The following PRDM11 variants were observed in gnomAD, a reference collection of about 807,000 sequenced individuals.
PRDM11 encodes the protein PR/SET domain 11.
A neutral mutation model predicts 97.8 loss-of-function variants in PRDM11; 20 were observed. The observed-to-expected ratio is 0.20, with a 90% CI of 0.14 to 0.30. The LOEUF (loss-of-function observed/expected upper bound fraction) is 0.30. PRDM11 is among the 10% of genes least tolerant of loss of function. The pLI, the probability that PRDM11 is intolerant of heterozygous loss-of-function variation, is 1.00. For synonymous variants in PRDM11, 599 were observed against 637.7 expected, an observed-to-expected ratio of 0.94 and a Z score of 0.91; for missense variants, 1,139 against 1,555.2, an observed-to-expected ratio of 0.73 and a Z score of 4.50.
chr11:45,228,508 C>G lies in PRDM11; in HGVS notation c.*349C>G, dbSNP rs959071395. 1 of 152,120 alleles carries G rather than the reference C, an allele frequency of 6.6e-6. No individual in the cohort carries two copies. The highest frequency in any genetic ancestry group is 1.5e-5 in the Non-Finnish European group (1 of 68,060). 9.4% of individuals were successfully genotyped at this position (152,120 alleles called of 1,614,324 possible). On this transcript the variant is annotated 3_prime_UTR_variant, in exon 8 of 8. Coordinates refer to ENST00000683152, the MANE Select transcript of PRDM11 (RefSeq NM_001384648.1). ...ATAAGCTAAAATGACAGGTCTCTGT[C>G]ATCACCTTTAGGTAGCTCATTTTGT... is the stretch of plus-strand genomic sequence containing the variant.
At chr11:45,148,013 G>T (rs1851565347) in intron 1 of PRDM11, among the ~76,000 whole-genome samples, 1 of 152,128 alleles carries the variant, frequency 6.6e-6, no homozygotes, top group Non-Finnish European at 1.5e-5. Context: ...GCTGGTCCTT[G>T]CCCACATTTC....
At chr11:45,101,240 C>T (rs898592745) in intron 1 of PRDM11, among the ~76,000 whole-genome samples, 19 of 152,138 alleles carry the variant, frequency 1.2e-4, no homozygotes, top group Admixed American at 1.1e-3. Flanking sequence ...AGTCCTCAGA[C>T]CTGGGAGGTC....
intron 1 of PRDM11, among the ~76,000 whole-genome samples, chr11:45,147,083 G>A (rs1450984791): frequency 6.7e-6 from 1 of 149,346 alleles, no homozygotes; most frequent in East Asian, 2.0e-4. Context: ...TGGCCGCGAG[G>A]TGGGTGAACC....
At chr11:45,113,024 C>A (rs1852218491) in intron 1 of PRDM11, among the ~76,000 whole-genome samples, 1 of 152,052 alleles carries the variant, frequency 6.6e-6, no homozygotes, top group Non-Finnish European at 1.5e-5. Context: ...GAATTCTTTG[C>A]CTAAGCCAAT....
rs1418890648 is a variant in PRDM11, at chr11:45,219,260, A to C, written c.555-310A>C. ...CCTTTCAGTTTTTCAATCACTTATA[A>C]TATTTAGTTGATATATTTTCCATAT... On this transcript the variant is annotated intron_variant, in intron 5 of 7. Transcript: ENST00000683152. This position sits in a 1 kb window ranked among gnomAD's most constrained non-coding sequence, Gnocchi z 4.2. 6.6e-6 allele frequency among the ~76,000 whole-genome samples: 1 copy of C among 152,150 alleles called. No homozygotes were observed. Among genetic ancestry groups the C allele is most frequent in the Non-Finnish European group, 1.5e-5 (1 of 68,032 alleles).
At chr11:45,139,931 T>C (rs1258107537) in intron 1 of PRDM11, among the ~76,000 whole-genome samples, 1 of 152,174 alleles carries the variant, frequency 6.6e-6, no homozygotes, top group Admixed American at 6.5e-5. Flanking sequence ...TTATTTGGAA[T>C]CATTAAGCCC....
intron 1 of PRDM11, among the ~76,000 whole-genome samples, chr11:45,148,151 G>A (rs1851569665): frequency 6.6e-6 from 1 of 152,120 alleles, no homozygotes; most frequent in Non-Finnish European, 1.5e-5. Context: ...AGTTCTATAG[G>A]GCACGTGTAG....
intron 4 of PRDM11, among the ~76,000 whole-genome samples, chr11:45,189,002 A>T (rs1003786871): frequency 6.6e-6 from 1 of 152,166 alleles, no homozygotes; most frequent in Non-Finnish European, 1.5e-5. Context: ...CCTGGGTTCA[A>T]GCAATTCTCC....
At chr11:45,203,597 G>A (rs1263829568) in intron 4 of PRDM11, among the ~76,000 whole-genome samples, 1 of 151,074 alleles carries the variant, frequency 6.6e-6, no homozygotes, top group Non-Finnish European at 1.5e-5. Context: ...TAAAAGACAT[G>A]AAGGATATAT....
At chr11:45,135,474 AT>A (rs1031177958) in intron 1 of PRDM11, among the ~76,000 whole-genome samples, 1 of 152,260 alleles carries the variant, frequency 6.6e-6, no homozygotes, top group African/African-American at 2.4e-5. Flanking sequence ...CAGAATATAC[AT>A]TTATAAAAAT....
chr11:45,212,798 A>G lies in PRDM11; in HGVS notation c.555-6772A>G, dbSNP rs748657829. ...GACCGTGCACCGGGACATGGCCAACAGCATGCACGTCATCGGCCAGGCCAT... is the reference window on the plus strand; with the variant it reads ...GACCGTGCACCGGGACATGGCCAACGGCATGCACGTCATCGGCCAGGCCAT... On this transcript the variant is annotated intron_variant, in intron 5 of 7. Transcript: ENST00000683152. 18 of 456,090 alleles carry G rather than the reference A, an allele frequency of 3.9e-5. 1 individual carries two copies. The highest frequency in any genetic ancestry group is 2.6e-4 in the South Asian group (17 of 64,518). 28.3% of individuals were successfully genotyped at this position (456,090 alleles called of 1,614,324 possible).
Position 45,111,215 on chromosome 11 carries a change from A to T in PRDM11, c.96+15314A>T, listed in dbSNP as rs368876020. ...TGAAGATTTATCTTTCTTACAATCC[A>T]TCCCACCCTGTCCCTCCACCACTTC... On this transcript the variant is annotated intron_variant, in intron 1 of 6. Transcript: ENST00000530656. 3.7e-5 allele frequency among the ~76,000 whole-genome samples: 2 copies of T among 54,558 alleles called. 1 individual carries two copies. The highest frequency in any genetic ancestry group is 1.7e-4 in the Non-Finnish European group (2 of 11,926). The allele number at this position is 54,558 out of a possible 152,430, so 35.8% of individuals were successfully genotyped here. A position where few individuals can be genotyped will look rare whatever the true frequency, so the allele number is the denominator to read the frequency against.
intron 4 of PRDM11, among the ~76,000 whole-genome samples, chr11:45,198,618 G>A (rs753531100): frequency 6.6e-6 from 1 of 152,232 alleles, no homozygotes; most frequent in Non-Finnish European, 1.5e-5. Context: ...GAGCCCAACA[G>A]TGAATCTTCG....
chr11:45,113,426 G>A (rs950970277), intron 1 of PRDM11, among the ~76,000 whole-genome samples: 1 of 152,042 alleles, frequency 6.6e-6, no homozygotes, highest in African/African-American at 2.4e-5. Context: ...TATTGCTTTG[G>A]TTATACAGGA....
chr11:45,110,941 CT>C (rs1387078287), intron 1 of PRDM11, among the ~76,000 whole-genome samples: 1 of 152,068 alleles, frequency 6.6e-6, no homozygotes, highest in African/African-American at 2.4e-5. Context: ...CCTTACCCCC[CT>C]TTTTTTCTTT....
chr11:45,227,026 C>A lies in PRDM11; in HGVS notation c.2401C>A (p.Leu801Ile). The A allele has an allele frequency of 6.5e-7, 1 of 1,533,952 alleles. No homozygotes were observed. Among genetic ancestry groups the A allele is most frequent in the Non-Finnish European group, 8.7e-7 (1 of 1,146,736 alleles). ...LLSFYRYSPRLMCELRSTAAT... is the reference protein window; with the variant it reads ...LLSFYRYSPRIMCELRSTAAT... ...GAGCTTCTACCGCTACTCACCGCGC[C>A]TCATGTGCGAGCTGCGGTCCACGGC... Residue 801 changes from leucine to isoleucine, a missense_variant, in exon 8 of 8, where the codon CTC (leucine) becomes ATC (isoleucine). Physicochemically the swap from Leu to Ile is conservative, Grantham distance 5 (BLOSUM62 2). Coordinates refer to ENST00000683152, the MANE Select transcript of PRDM11 (RefSeq NM_001384648.1). The surrounding 1 kb of genome is among the most constrained non-coding windows in gnomAD (Gnocchi z 8.0).
At chr11:45,175,631 G>C (rs1852310234) in intron 1 of PRDM11, among the ~76,000 whole-genome samples, 1 of 152,044 alleles carries the variant, frequency 6.6e-6, no homozygotes, top group African/African-American at 2.4e-5. Flanking sequence ...CAGCTTTGTA[G>C]GTAAATCTTT....
In PRDM11 at chr11:45,146,696, T is replaced by TCGCCGC. The variant is rs1391617020; in HGVS notation, c.-178_-173dup. ...AGCAGGGGAGGAGAGCAGCAGCGAG[T>TCGCCGC]CGCCGCCGCCGCCGCGCCGAGGCTG... On this transcript the variant is annotated 5_prime_UTR_variant, in exon 1 of 8. Transcript: ENST00000683152. 1 of 151,228 alleles carries TCGCCGC rather than the reference T, an allele frequency of 6.6e-6. No individual in the cohort carries two copies. The highest frequency in any genetic ancestry group is 1.9e-4 in the East Asian group (1 of 5,134). 9.4% of individuals were successfully genotyped at this position (151,228 alleles called of 1,614,324 possible). A position where few individuals can be genotyped will look rare whatever the true frequency, so the allele number is the denominator to read the frequency against.
intron 1 of PRDM11, among the ~76,000 whole-genome samples, chr11:45,156,806 G>A (rs940188178): frequency 1.3e-5 from 2 of 152,176 alleles, no homozygotes; most frequent in African/African-American, 4.8e-5. Context: ...TCCCAGAGGA[G>A]GTGACGATGA....
Sources: gnomAD v4.1 joint callset for allele counts (sites outside exome capture counted in the v4.1 genomes callset) on GRCh38, gnomAD v4.1.1 for gene constraint, Gnocchi (gnomAD v3.1) non-coding constraint, MANE v1.5 for transcripts, NCBI Gene and HGNC (gene_info 2026-07-23, HGNC 2026-07-21) for gene names.